Variants in UMPS observed in about 807,000 individuals in gnomAD.
UMPS encodes the protein uridine monophosphate synthetase.
A neutral mutation model predicts 38.9 loss-of-function variants in UMPS; 21 were observed. That is an observed-to-expected ratio of 0.54 (90% CI 0.38 to 0.78). The LOEUF is 0.78. Among genes scored for constraint, UMPS ranks in the 30% least tolerant of loss-of-function variants. The pLI, the probability that UMPS is intolerant of heterozygous loss-of-function variation, is 0.00. For synonymous variants in UMPS, 208 were observed against 219.3 expected, an observed-to-expected ratio of 0.95 and a Z score of 0.45; for missense variants, 533 against 591.6, an observed-to-expected ratio of 0.90 and a Z score of 1.03.
intron 1 of UMPS, among the ~76,000 whole-genome samples, chr3:124,732,967 G>GGTGTGTGTGTGTGTGTGT (rs61383415): frequency 3.4e-4 from 50 of 147,736 alleles, no homozygotes; most frequent in Middle Eastern, 3.4e-3. Flanking sequence ...ACTAGATCAT[G>GGTGTGTGTGTGTGTGTGT]GTGTGTGTGT....
rs1559909894 is a variant in UMPS at position 124,746,839 on chromosome 3, TG to T, written c.*2757del. On this transcript the variant is annotated 3_prime_UTR_variant, in exon 6 of 6. Transcript: ENST00000232607. ...CACTGGAGGAACCTAAGAAACTATT[TG>T]GTGCACTTCCTCTTATTTTAGAGCT... The T allele has an allele frequency of 2.2e-6, 1 of 452,684 alleles. No homozygotes were observed. The highest frequency in any genetic ancestry group is 1.6e-5 in the South Asian group (1 of 64,352). The allele number at this position is 452,684 out of a possible 1,614,324, so 28.0% of individuals were successfully genotyped here.
At position 124,748,044 on chromosome 3, in the gene UMPS, A is replaced by G. The variant is rs965779553; in HGVS notation, c.*3960A>G. 3.2e-5 allele frequency: 14 copies of G among 434,728 alleles called. No homozygotes were observed. The highest frequency in any genetic ancestry group is 2.8e-4 in the African/African-American group (14 of 49,484). 26.9% of individuals were successfully genotyped at this position (434,728 alleles called of 1,614,324 possible). ...AACACAAAGCATGAGAAAAATCAGG[A>G]CTTGTTGGAGTTATATTTTTAAAAT... On this transcript the variant is annotated 3_prime_UTR_variant, in exon 6 of 6. Coordinates refer to ENST00000232607, the MANE Select transcript of UMPS (RefSeq NM_000373.4).
chr3:124,742,584 G>C, intron 5 of UMPS: 1 of 281,954 alleles, frequency 3.5e-6, no homozygotes. Flanking sequence ...GCCCTTATTC[G>C]TAAGCCCTAA....
chr3:124,737,656 G>A lies in UMPS; in HGVS notation c.399G>A (p.Leu133=), dbSNP rs777172421. 1.2e-6 allele frequency: 2 copies of A among 1,614,140 alleles called. No homozygotes were observed. Among genetic ancestry groups the A allele is most frequent in the Non-Finnish European group, 1.7e-6 (2 of 1,180,038 alleles). Residue 133 remains leucine, a synonymous_variant, in exon 3 of 6, where the codon TTG becomes TTA. Transcript: ENST00000232607. ...TTGTCACCAGTGGATCTAGTGTTTTGGAAACTGTTGAGGTTCTTCAGAAGG... is the reference window on the plus strand; with the variant it reads ...TTGTCACCAGTGGATCTAGTGTTTTAGAAACTGTTGAGGTTCTTCAGAAGG... ...EDVVTSGSSV[L]ETVEVLQKEG... is the part of the protein sequence containing the mutation.
chr3:124,738,223 G>C lies in UMPS; in HGVS notation c.966G>C (p.Val322=). 5 of 1,613,952 alleles carry C rather than the reference G, an allele frequency of 3.1e-6. No individual in the cohort carries two copies. Among genetic ancestry groups the C allele is most frequent in the Non-Finnish European group, 4.2e-6 (5 of 1,180,012 alleles). ...AGTTTGCAGATATAGGAAACACAGTGAAAAAGCAGTATGAAGGTAAGTGTA... is the reference window on the plus strand; with the variant it reads ...AGTTTGCAGATATAGGAAACACAGTCAAAAAGCAGTATGAAGGTAAGTGTA... The part of the protein sequence containing the change: ...DRKFADIGNT[V]KKQYEGGIFK... The change falls in exon 3 of 6, where the codon GTG becomes GTC. Residue 322 remains valine, a synonymous_variant. Transcript: ENST00000232607.
At position 124,747,106 on chromosome 3, in the gene UMPS, T is replaced by C. The variant is rs771098637; in HGVS notation, c.*3022T>C. 5 of 453,886 alleles carry C rather than the reference T, an allele frequency of 1.1e-5. No homozygotes were observed. Among genetic ancestry groups the C allele is most frequent in the South Asian group, 7.8e-5 (5 of 64,442 alleles). The allele number at this position is 453,886 out of a possible 1,614,324, so 28.1% of individuals were successfully genotyped here. ...CTTGACTTGGGCTCAAGCGATCCGC[T>C]CAAGTAGCTGGAACTACTCTCAAGT... is the stretch of plus-strand genomic sequence containing the variant. On this transcript the variant is annotated 3_prime_UTR_variant, in exon 6 of 6. Transcript: ENST00000232607.
chr3:124,732,063 A>T (rs1020139289), intron 1 of UMPS, among the ~76,000 whole-genome samples: 5 of 152,014 alleles, frequency 3.3e-5, no homozygotes, highest in African/African-American at 1.2e-4. Context: ...GCGGCTTCCC[A>T]AGTAGCTGGG....
rs200039655 is a variant in UMPS, at chr3:124,735,177, T to C, written c.241T>C (p.Leu81=). ...TGGAGTGCCTTATACAGCTTTGCCA[T>C]TGGCTACAGTTATCTGTTCAACCAA... ...VCGVPYTALP[L]ATVICSTNQI... Residue 81 remains leucine (L), a synonymous_variant, in exon 2 of 6, where the codon TTG becomes CTG. Transcript: ENST00000232607. 1.2e-6 allele frequency: 2 copies of C among 1,614,134 alleles called. No homozygotes were observed. Among genetic ancestry groups the C allele is most frequent in the East Asian group, 4.5e-5 (2 of 44,886 alleles).
At chr3:124,731,257 G>A (rs1219212209) in intron 1 of UMPS, among the ~76,000 whole-genome samples, 1 of 152,116 alleles carries the variant, frequency 6.6e-6, no homozygotes, top group Non-Finnish European at 1.5e-5. Flanking sequence ...GAATTCAGTA[G>A]CTGGGAAATT....
At position 124,744,434 on chromosome 3, in the gene UMPS, A is replaced by G. The variant is rs957318145; in HGVS notation, c.*350A>G. Reference sequence around the variant, plus strand: ...TCTATTTATTTTTTAATTTTTTTCGAGACAGGATCTCACTCTGTTGCCCAG... The same window carrying G: ...TCTATTTATTTTTTAATTTTTTTCGGGACAGGATCTCACTCTGTTGCCCAG... On this transcript the variant is annotated 3_prime_UTR_variant, in exon 6 of 6. Coordinates refer to ENST00000232607, the MANE Select transcript of UMPS (RefSeq NM_000373.4). 23 of 455,538 alleles carry G rather than the reference A, an allele frequency of 5.0e-5. No individual in the cohort carries two copies. The highest frequency in any genetic ancestry group is 1.0e-4 in the Non-Finnish European group (23 of 228,058). 28.2% of individuals were successfully genotyped at this position (455,538 alleles called of 1,614,324 possible). A position where few individuals can be genotyped will look rare whatever the true frequency, so the allele number is the denominator to read the frequency against.
At position 124,748,573 on chromosome 3, in the gene UMPS, C is replaced by T. The variant is rs961666903; in HGVS notation, c.*4489C>T. 8.8e-6 allele frequency: 4 copies of T among 454,024 alleles called. No individual in the cohort carries two copies. The highest frequency in any genetic ancestry group is 8.0e-5 in the African/African-American group (4 of 50,008). The allele number at this position is 454,024 out of a possible 1,614,324, so 28.1% of individuals were successfully genotyped here. A position where few individuals can be genotyped will look rare whatever the true frequency, so the allele number is the denominator to read the frequency against. ...TCCTCTAGACAAGAGGCAGAGGGCTCCTCAGAGTCAGATCCTGGTGTGGGC... is the reference window on the plus strand; with the variant it reads ...TCCTCTAGACAAGAGGCAGAGGGCTTCTCAGAGTCAGATCCTGGTGTGGGC... On this transcript the variant is annotated 3_prime_UTR_variant, in exon 6 of 6. Transcript: ENST00000232607.
chr3:124,749,175 G>A lies in UMPS; in HGVS notation c.*5091G>A. On this transcript the variant is annotated 3_prime_UTR_variant, in exon 6 of 6. Transcript: ENST00000232607. ...GCAATGTTGTTTTCTGCCACAACTT[G>A]AATAGATACTTGAAGCAGAGATGAT... is the stretch of plus-strand genomic sequence containing the variant. The A allele has an allele frequency of 2.2e-6, 1 of 453,994 alleles. No individual in the cohort carries two copies. Among genetic ancestry groups the A allele is most frequent in the Non-Finnish European group, 4.4e-6 (1 of 226,766 alleles). 28.1% of individuals were successfully genotyped at this position (453,994 alleles called of 1,614,324 possible).
At position 124,745,343 on chromosome 3, in the gene UMPS, T is replaced by G; in HGVS notation, c.*1259T>G. On this transcript the variant is annotated 3_prime_UTR_variant, in exon 6 of 6. Transcript: ENST00000232607. Reference sequence around the variant, plus strand: ...TTGTCAGCTGATGGCCCACTGTTCTTTAATGACTCAGAGGAATGCCTAGGA... The same window carrying G: ...TTGTCAGCTGATGGCCCACTGTTCTGTAATGACTCAGAGGAATGCCTAGGA... 2.2e-6 allele frequency: 1 copy of G among 452,616 alleles called. No individual in the cohort carries two copies. The highest frequency in any genetic ancestry group is 1.6e-5 in the South Asian group (1 of 64,388). The allele number at this position is 452,616 out of a possible 1,614,324, so 28.0% of individuals were successfully genotyped here.
chr3:124,735,390 C>T, intron 2 of UMPS, 144 bp downstream of exon 2: 5 of 789,258 alleles, frequency 6.3e-6, no homozygotes, highest in Non-Finnish European at 1.0e-5. Context: ...ATAATTGTTA[C>T]TATAAGTCAC....
rs2063529251 is a variant in UMPS, at chr3:124,737,960, A to G, written c.703A>G (p.Arg235Gly). The change falls in exon 3 of 6, where the codon AGG becomes GGG. Residue 235 changes from arginine to glycine, a missense_variant. Arg to Gly is a moderately radical substitution (Grantham distance 125). Transcript: ENST00000232607. ...LSFGARAELP[R>G]IHPVASKLLR... ...CTTCGGTGCACGTGCAGAGCTGCCCAGGATCCACCCAGTTGCATCGAAGCT... is the reference window on the plus strand; with the variant it reads ...CTTCGGTGCACGTGCAGAGCTGCCCGGGATCCACCCAGTTGCATCGAAGCT... The G allele has an allele frequency of 5.0e-6, 8 of 1,614,122 alleles. No individual in the cohort carries two copies. The Admixed American group carries it at 1.0e-4, about 20-fold the overall frequency.
chr3:124,745,402 C>T lies in UMPS; in HGVS notation c.*1318C>T, dbSNP rs1009389002. ...TTTTTTTGAGACAGAATCTCACTGT[C>T]GCCCAGGCTGGAGTTCAGTGGCACG... On this transcript the variant is annotated 3_prime_UTR_variant, in exon 6 of 6. Transcript: ENST00000232607. 6.4e-5 allele frequency: 29 copies of T among 452,646 alleles called. No homozygotes were observed. Among genetic ancestry groups the T allele is most frequent in the Non-Finnish European group, 1.1e-4 (24 of 226,622 alleles). 28.0% of individuals were successfully genotyped at this position (452,646 alleles called of 1,614,324 possible). A position where few individuals can be genotyped will look rare whatever the true frequency, so the allele number is the denominator to read the frequency against.
chr3:124,734,950 G>A, intron 1 of UMPS, 143 bp from the exon 2 acceptor site: 1 of 667,160 alleles, frequency 1.5e-6, no homozygotes, highest in South Asian at 2.4e-5. Context: ...GAACCTGGGA[G>A]GCAGAGGTTG....
At position 124,746,795 on chromosome 3, in the gene UMPS, G is replaced by GTGTGTGTGTGTGCA. The variant is rs1324416486; in HGVS notation, c.*2713_*2714insTGTGTGTGTGCATG. On this transcript the variant is annotated 3_prime_UTR_variant, in exon 6 of 6. Transcript: ENST00000232607. The stretch of plus-strand genomic sequence containing the variant: ...TGTGTGTGTGTGTGTGTGTGTGTGT[G>GTGTGTGTGTGTGCA]TGCATGCGCGCGCGTGCGCACTGGA... 1 of 451,112 alleles carries GTGTGTGTGTGTGCA rather than the reference G, an allele frequency of 2.2e-6. No homozygotes were observed. Among genetic ancestry groups the GTGTGTGTGTGTGCA allele is most frequent in the Non-Finnish European group, 4.4e-6 (1 of 225,662 alleles). 27.9% of individuals were successfully genotyped at this position (451,112 alleles called of 1,614,324 possible). A position where few individuals can be genotyped will look rare whatever the true frequency, so the allele number is the denominator to read the frequency against.
chr3:124,747,105 C>T lies in UMPS; in HGVS notation c.*3021C>T, dbSNP rs2063607617. 2.2e-6 allele frequency: 1 copy of T among 453,806 alleles called. No homozygotes were observed. The highest frequency in any genetic ancestry group is 2.4e-5 in the Admixed American group (1 of 42,542). The allele number at this position is 453,806 out of a possible 1,614,324, so 28.1% of individuals were successfully genotyped here. ...CCTTGACTTGGGCTCAAGCGATCCGCTCAAGTAGCTGGAACTACTCTCAAG... is the reference window on the plus strand; with the variant it reads ...CCTTGACTTGGGCTCAAGCGATCCGTTCAAGTAGCTGGAACTACTCTCAAG... On this transcript the variant is annotated 3_prime_UTR_variant, in exon 6 of 6. Transcript: ENST00000232607.
Sources: gnomAD v4.1 joint callset for allele counts (sites outside exome capture counted in the v4.1 genomes callset) on GRCh38, gnomAD v4.1.1 for gene constraint, MANE v1.5 for transcripts, NCBI Gene and HGNC (gene_info 2026-07-23, HGNC 2026-07-21) for gene names.